Variants in ESYT2 observed in about 807,000 individuals in gnomAD.
The protein encoded by ESYT2 is extended synaptotagmin 2.
In ESYT2, 54 loss-of-function variants were observed where a neutral mutation model predicts 107.2. The observed-to-expected ratio is 0.50, with a 90% CI of 0.40 to 0.63. The LOEUF (loss-of-function observed/expected upper bound fraction) is 0.63, where lower values mean the gene tolerates loss of function less well. Among genes scored for constraint, ESYT2 ranks in the 30% least tolerant of loss-of-function variants. The pLI is 0.00. For synonymous variants in ESYT2, 491 were observed against 434.1 expected (o/e 1.13, Z -1.63); for missense variants, 1,020 against 1,094.5 (o/e 0.93, Z 0.96).
At chr7:158,775,861 C>T (rs1318428294) in intron 6 of ESYT2, among the ~76,000 whole-genome samples, 1 of 152,174 alleles carries the variant, frequency 6.6e-6, no homozygotes, top group Non-Finnish European at 1.5e-5. Flanking sequence ...TGCCCAGATC[C>T]ATCAGAGGAA....
At chr7:158,740,820 C>A (rs1033780003) in intron 18 of ESYT2, among the ~76,000 whole-genome samples, 2 of 152,178 alleles carry the variant, frequency 1.3e-5, no homozygotes, top group African/African-American at 4.8e-5. Flanking sequence ...TCTGCGTGTG[C>A]TTTTTCTAAC....
At chr7:158,748,369 T>A in intron 15 of ESYT2, 89 bp from the exon 16 acceptor site, 1 of 1,081,098 alleles carries the variant, frequency 9.2e-7, no homozygotes. Context: ...GAATGAAAAA[T>A]AAAAAGAAAA....
rs1168813376 is a variant in ESYT2 at position 158,764,728 on chromosome 7, T to C, written c.1050A>G (p.Gln350=). 5 of 1,614,144 alleles carry C rather than the reference T, an allele frequency of 3.1e-6. No homozygotes were observed. The highest frequency in any genetic ancestry group is 1.3e-5 in the African/African-American group (1 of 75,022). The change falls in exon 9 of 23, where the codon CAA becomes CAG. Residue 350 remains glutamine (Q), a synonymous_variant. Coordinates refer to ENST00000275418, the MANE Select transcript of ESYT2 (RefSeq NM_001367773.1). The part of the protein sequence containing the change: ...GIIRVGNQIF[Q]SRVIKENLSP... Reference sequence around the variant, plus strand: ...TGAGGTTCTCCTTGATGACTCTGCTTTGGAAGATTTGGTTGCCAACTCTAA... The same window carrying C: ...TGAGGTTCTCCTTGATGACTCTGCTCTGGAAGATTTGGTTGCCAACTCTAA...
intron 22 of ESYT2, 49 bp downstream of exon 22, chr7:158,734,373 C>T (rs377473513): frequency 1.5e-4 from 244 of 1,611,818 alleles, no homozygotes; most frequent in Non-Finnish European, 1.9e-4. Flanking sequence ...GCGGGGAAAG[C>T]GTTTTTAGCT....
At chr7:158,803,615 G>A (rs2788495) in intron 1 of ESYT2, among the ~76,000 whole-genome samples, 125,772 of 152,204 alleles carry the variant, frequency 0.83, 52,553 homozygotes, top group Non-Finnish European at 0.89. Context: ...CAAATGGTCA[G>A]AAAGACTTGC....
In ESYT2 at chr7:158,735,622, C is replaced by T. The variant is rs368039565; in HGVS notation, c.2400-14G>A. The T allele has an allele frequency of 3.2e-5, 51 of 1,603,786 alleles. No homozygotes were observed. The African/African-American group carries it at 3.2e-4, about 10-fold the overall frequency. On this transcript the variant is annotated splice_polypyrimidine_tract_variant and intron_variant, in intron 20 of 22. Transcript: ENST00000275418. Reference sequence around the variant, plus strand: ...CTGAAATCAAAGCTGAAATAGGAAACGAGAGCCTTACTTTATCCATCATTC... The same window carrying T: ...CTGAAATCAAAGCTGAAATAGGAAATGAGAGCCTTACTTTATCCATCATTC...
At chr7:158,754,829 C>G (rs1837698575) in intron 13 of ESYT2, among the ~76,000 whole-genome samples, 1 of 152,202 alleles carries the variant, frequency 6.6e-6, no homozygotes, top group Non-Finnish European at 1.5e-5. Flanking sequence ...TCTGTGTCAT[C>G]TGGGTTCTTG....
chr7:158,751,483 T>TA (rs1837582698), intron 14 of ESYT2, among the ~76,000 whole-genome samples: 1 of 152,322 alleles, frequency 6.6e-6, no homozygotes, highest in African/African-American at 2.4e-5. Flanking sequence ...GTCTTGAACT[T>TA]AAACCTCAGC....
intron 1 of ESYT2, among the ~76,000 whole-genome samples, chr7:158,816,444 C>T: frequency 6.6e-6 from 1 of 152,284 alleles, no homozygotes; most frequent in East Asian, 1.9e-4. Context: ...AAGCAGCTGC[C>T]AGCTCTGAAG....
At position 158,743,784 on chromosome 7, in the gene ESYT2, GA is replaced by G. The variant is rs1330608305; in HGVS notation, c.1645-107del. On this transcript the variant is annotated intron_variant, in intron 16 of 22. Coordinates refer to ENST00000275418, the MANE Select transcript of ESYT2 (RefSeq NM_001367773.1). ...CTTTGTCCTCAGAGATAGGAACTTA[GA>G]AAATGTAGAAAGGGGCCAGGTGGGG... 1.2e-5 allele frequency: 16 copies of G among 1,292,054 alleles called. No individual in the cohort carries two copies. In the Middle Eastern group the frequency reaches 9.7e-4, roughly 78 times the overall value. The allele number at this position is 1,292,054 out of a possible 1,614,324, so 80.0% of individuals were successfully genotyped here.
intron 2 of ESYT2, among the ~76,000 whole-genome samples, chr7:158,798,507 G>A (rs1018629144): frequency 4.6e-5 from 7 of 151,772 alleles, no homozygotes; most frequent in East Asian, 1.9e-4. Context: ...TTAGCCAGGC[G>A]TGGTGGTGCG....
At chr7:158,794,018 T>C (rs913802469) in intron 3 of ESYT2, among the ~76,000 whole-genome samples, 16 of 152,362 alleles carry the variant, frequency 1.1e-4, no homozygotes, top group African/African-American at 3.4e-4. Flanking sequence ...CAGCAGTTAA[T>C]AAGCACTGGG....
At chr7:158,773,700 G>T (rs1838452053) in intron 6 of ESYT2, among the ~76,000 whole-genome samples, 2 of 152,164 alleles carry the variant, frequency 1.3e-5, no homozygotes, top group Admixed American at 6.5e-5. Flanking sequence ...TACAAATAAT[G>T]AGTCAGGGAA....
At chr7:158,759,650 G>C in intron 12 of ESYT2, 69 bp from the exon 13 acceptor site, 1 of 1,252,934 alleles carries the variant, frequency 8.0e-7, no homozygotes, top group Non-Finnish European at 1.1e-6. Flanking sequence ...CTATCTGATT[G>C]TATCATGTTG....
At position 158,827,790 on chromosome 7, in the gene ESYT2, C is replaced by G. The variant is rs188468709; in HGVS notation, c.330+1299G>C. 8.2e-3 allele frequency: 1,253 copies of G among 152,270 alleles called. 9 individuals carry two copies. Among genetic ancestry groups the G allele is most frequent in the Non-Finnish European group, 0.015 (1,001 of 68,048 alleles). 9.4% of individuals were successfully genotyped at this position (152,270 alleles called of 1,614,324 possible). Reference sequence around the variant, plus strand: ...TCTCCTCTAAGAGAAAATGACCCTTCCGAAACCCACTGCTGGTCACCTTCA... The same window carrying G: ...TCTCCTCTAAGAGAAAATGACCCTTGCGAAACCCACTGCTGGTCACCTTCA... On this transcript the variant is annotated intron_variant, in intron 1 of 22. Coordinates refer to ENST00000275418, the MANE Select transcript of ESYT2 (RefSeq NM_001367773.1).
rs1311579039 is a variant in ESYT2 at position 158,773,354 on chromosome 7, C to T, written c.790G>A (p.Val264Ile). Residue 264 changes from valine (V) to isoleucine (I), a missense_variant, in exon 7 of 23, where the codon GTC becomes ATC. Physicochemically the swap from Val to Ile is conservative, Grantham distance 29. Coordinates refer to ENST00000275418, the MANE Select transcript of ESYT2 (RefSeq NM_001367773.1). ...CACGAGACTTACTTCAATCCAGGGA[C>T]ATCCAGAAGATTCGTCAGTCCTGTC... is the stretch of plus-strand genomic sequence containing the variant. ...NWTGLTNLLD[V>I]PGLNGLSDTI... The T allele has an allele frequency of 1.9e-6, 3 of 1,614,028 alleles. No homozygotes were observed. The highest frequency in any genetic ancestry group is 1.6e-4 in the Middle Eastern group (1 of 6,084).
intron 1 of ESYT2, among the ~76,000 whole-genome samples, chr7:158,828,512 G>A (rs1840521432): frequency 6.6e-6 from 1 of 152,228 alleles, no homozygotes; most frequent in Non-Finnish European, 1.5e-5. Flanking sequence ...GGGGTCTGCA[G>A]GCCGGGGGAG....
At chr7:158,794,303 G>A (rs895280295) in intron 3 of ESYT2, among the ~76,000 whole-genome samples, 1 of 152,174 alleles carries the variant, frequency 6.6e-6, no homozygotes, top group Non-Finnish European at 1.5e-5. Context: ...AACCAGCCTG[G>A]GCAACATGGT....
intron 1 of ESYT2, among the ~76,000 whole-genome samples, chr7:158,807,847 T>C (rs1344866980): frequency 6.6e-6 from 1 of 152,180 alleles, no homozygotes; most frequent in African/African-American, 2.4e-5. Context: ...CTTCCAGCCA[T>C]TAAAAAATGT....
Sources: gnomAD v4.1 joint callset for allele counts (sites outside exome capture counted in the v4.1 genomes callset) on GRCh38, gnomAD v4.1.1 for gene constraint, MANE v1.5 for transcripts, NCBI Gene and HGNC (gene_info 2026-07-23, HGNC 2026-07-21) for gene names.